The following ZNF141 variants were observed in gnomAD, a reference collection of about 807,000 sequenced individuals.
ZNF141 encodes zinc finger protein 141 (clone pHZ-44).
Under a neutral mutation model 11.3 loss-of-function variants are expected in ZNF141, and 7 were observed. That is an observed-to-expected ratio of 0.62 (90% CI 0.35 to 1.16). The LOEUF (loss-of-function observed/expected upper bound fraction) is 1.16, where lower values mean the gene tolerates loss of function less well. Among genes scored for constraint, ZNF141 ranks in the 50% most tolerant of loss-of-function variants. The pLI, the probability that ZNF141 is intolerant of heterozygous loss-of-function variation, is 0.02. For missense variants in ZNF141, 535 were observed against 554.0 expected, an observed-to-expected ratio of 0.97 and a Z score of 0.34; for synonymous variants, 183 against 190.7, an observed-to-expected ratio of 0.96 and a Z score of 0.33.
chr4:350,747 A>T (rs557209105), intron 3 of ZNF141, among the ~76,000 whole-genome samples: 1 of 151,632 alleles, frequency 6.6e-6, no homozygotes, highest in East Asian at 1.9e-4. Flanking sequence ...TTTTTTATTT[A>T]TTTATTTTTT....
chr4:346,989 G>C (rs1374778312), intron 3 of ZNF141, among the ~76,000 whole-genome samples: 1 of 149,772 alleles, frequency 6.7e-6, no homozygotes, highest in Non-Finnish European at 1.5e-5. Context: ...TCCTTTGGTA[G>C]TATGCCCAGA....
At chr4:362,982 T>A (rs1239706460) in intron 3 of ZNF141, among the ~76,000 whole-genome samples, 1 of 152,262 alleles carries the variant, frequency 6.6e-6, no homozygotes, top group Non-Finnish European at 1.5e-5. Context: ...ATGGCCATTT[T>A]CATGATATTG....
At chr4:369,075 T>C (rs1711892955) in intron 3 of ZNF141, among the ~76,000 whole-genome samples, 1 of 152,182 alleles carries the variant, frequency 6.6e-6, no homozygotes, top group Non-Finnish European at 1.5e-5. Flanking sequence ...TATTGAAATA[T>C]CCTACTACAA....
At chr4:343,054 T>C in intron 1 of ZNF141, 1 of 685,018 alleles carries the variant, frequency 1.5e-6, no homozygotes. Flanking sequence ...GTTCCTTGCA[T>C]GATTAAAAAA....
chr4:355,287 C>A (rs1211223384), intron 3 of ZNF141, among the ~76,000 whole-genome samples: 2 of 151,984 alleles, frequency 1.3e-5, no homozygotes, highest in African/African-American at 2.4e-5. Flanking sequence ...TTCACCACAA[C>A]CTCTGCCTCC....
At position 369,916 on chromosome 4, in the gene ZNF141, G is replaced by A. The variant is rs181245283; in HGVS notation, c.227-2748G>A. Among the ~76,000 whole-genome samples, 828 of 150,484 alleles carry A rather than the reference G, an allele frequency of 5.5e-3. 10 individuals are homozygous for A. The highest frequency in any genetic ancestry group is 0.019 in the African/African-American group (767 of 40,960). On this transcript the variant is annotated intron_variant, in intron 3 of 3. Transcript: ENST00000240499. The stretch of plus-strand genomic sequence containing the variant: ...TGAGTAGCTGGGACTACAGGCACAC[G>A]CCACCATGCCCAGCTAATTTTTGTA...
At position 376,423 on chromosome 4, in the gene ZNF141, A is replaced by C. The variant is rs1712366851; in HGVS notation, c.*2561A>C. Reference sequence around the variant, plus strand: ...ATATACCAGAGTAAATGAGTTATTCATCACCTCAAGCATTCATCCTTTGTA... The same window carrying C: ...ATATACCAGAGTAAATGAGTTATTCCTCACCTCAAGCATTCATCCTTTGTA... On this transcript the variant is annotated 3_prime_UTR_variant, in exon 4 of 4. Coordinates refer to ENST00000240499, the MANE Select transcript of ZNF141 (RefSeq NM_003441.4). Among the ~76,000 whole-genome samples, 1 of 152,100 alleles carries C rather than the reference A, an allele frequency of 6.6e-6. No individual in the cohort carries two copies. The highest frequency in any genetic ancestry group is 1.5e-5 in the Non-Finnish European group (1 of 67,928).
In ZNF141 at chr4:382,941, C is replaced by T. The variant is rs568160270; in HGVS notation, c.*9079C>T. On this transcript the variant is annotated 3_prime_UTR_variant, in exon 4 of 4. Coordinates refer to ENST00000240499, the MANE Select transcript of ZNF141 (RefSeq NM_003441.4). ...AATTTGAAAAATTTCTTATTGTATT[C>T]ATGTCCTTGGAAATGGCTTTTATAG... The T allele has an allele frequency of 5.4e-4, 266 of 494,938 alleles. No homozygotes were observed. Among genetic ancestry groups the T allele is most frequent in the Non-Finnish European group, 8.7e-4 (245 of 281,200 alleles). The allele number at this position is 494,938 out of a possible 1,614,324, so 30.7% of individuals were successfully genotyped here.
intron 3 of ZNF141, among the ~76,000 whole-genome samples, chr4:357,522 G>A (rs1170265522): frequency 6.6e-6 from 1 of 151,618 alleles, no homozygotes; most frequent in Non-Finnish European, 1.5e-5. Flanking sequence ...GAGATTTTAA[G>A]CTTCATAAAA....
At chr4:354,318 A>G (rs903879102) in intron 3 of ZNF141, among the ~76,000 whole-genome samples, 6 of 152,174 alleles carry the variant, frequency 3.9e-5, no homozygotes, top group African/African-American at 1.4e-4. Flanking sequence ...GCCCAAGGTC[A>G]CCCTGCAGGT....
At position 343,875 on chromosome 4, in the gene ZNF141, A is replaced by G; in HGVS notation, c.97A>G (p.Met33Val). Reference protein sequence around the residue: ...PDQQNLYRDVMLENYRNLVSL... With the variant: ...PDQQNLYRDVVLENYRNLVSL... ...CCAGCAGAATTTGTATAGAGATGTG[A>G]TGTTGGAGAACTACAGGAACCTGGT... Residue 33 changes from methionine to valine, a missense_variant, in exon 2 of 4, where the codon ATG (methionine) becomes GTG (valine). Physicochemically the swap from Met to Val is conservative, Grantham distance 21 (BLOSUM62 1). Coordinates refer to ENST00000240499, the MANE Select transcript of ZNF141 (RefSeq NM_003441.4). 6.2e-7 allele frequency: 1 copy of G among 1,609,514 alleles called. No homozygotes were observed. Among genetic ancestry groups the G allele is most frequent in the South Asian group, 1.1e-5 (1 of 89,828 alleles).
chr4:354,855 G>A (rs918959167), intron 3 of ZNF141, among the ~76,000 whole-genome samples: 13 of 151,838 alleles, frequency 8.6e-5, no homozygotes, highest in African/African-American at 2.9e-4. Context: ...ATTTCCTTCC[G>A]GTGTTGATTT....
At chr4:339,708 A>G (rs1553848130) in intron 1 of ZNF141, among the ~76,000 whole-genome samples, 1 of 152,130 alleles carries the variant, frequency 6.6e-6, no homozygotes, top group Non-Finnish European at 1.5e-5. Context: ...TAACTAGGTG[A>G]TTTGTCTTTT....
rs572493320 is a variant in ZNF141 at position 357,707 on chromosome 4, CTTTTTTT to C, written c.226+13288_226+13294del. Among the ~76,000 whole-genome samples, 255 of 132,594 alleles carry C rather than the reference CTTTTTTT, an allele frequency of 1.9e-3. 1 individual carries two copies. The highest frequency in any genetic ancestry group is 2.4e-3 in the Non-Finnish European group (149 of 61,564). 87.0% of individuals were successfully genotyped at this position (132,594 alleles called of 152,430 possible). ...AGTCACTCTTTCTTTTTTCTTTTTT[CTTTTTTT>C]TTTTTTTTTTGAGACAGAGTCTCAC... is the stretch of plus-strand genomic sequence containing the variant. On this transcript the variant is annotated intron_variant, in intron 3 of 3. Transcript: ENST00000240499.
intron 1 of ZNF141, among the ~76,000 whole-genome samples, chr4:341,118 G>A (rs1052737683): frequency 1.5e-4 from 23 of 151,774 alleles, no homozygotes; most frequent in South Asian, 1.2e-3. Context: ...GCCAGGCTGG[G>A]GTGCAGTGGT....
At chr4:368,382 C>T (rs1292840300) in intron 3 of ZNF141, among the ~76,000 whole-genome samples, 8 of 152,034 alleles carry the variant, frequency 5.3e-5, no homozygotes, top group African/African-American at 1.4e-4. Context: ...GCTGGGATTA[C>T]AGACGTGCAC....
chr4:340,080 A>G (rs1464695986), intron 1 of ZNF141, among the ~76,000 whole-genome samples: 4 of 152,240 alleles, frequency 2.6e-5, no homozygotes. Context: ...TTAATTCTCT[A>G]ACAACACATT....
Position 372,737 on chromosome 4 carries a change from G to A in ZNF141, c.300G>A (p.Leu100=), listed in dbSNP as rs1712130089. The change falls in exon 4 of 4, where the codon CTG becomes CTA. Residue 100 remains leucine (L), a synonymous_variant. Transcript: ENST00000240499. The part of the protein sequence containing the change: ...GIEDSFHKLI[L]RRYEKCGHDN... ...AAGATTCATTCCACAAACTTATACT[G>A]AGAAGATATGAGAAATGTGGACATG... 6.2e-7 allele frequency: 1 copy of A among 1,613,054 alleles called. No individual in the cohort carries two copies. The highest frequency in any genetic ancestry group is 8.5e-7 in the Non-Finnish European group (1 of 1,179,460).
In ZNF141 at chr4:371,136, T is replaced by A. The variant is rs868987213; in HGVS notation, c.227-1528T>A. On this transcript the variant is annotated intron_variant, in intron 3 of 3. Coordinates refer to ENST00000240499, the MANE Select transcript of ZNF141 (RefSeq NM_003441.4). ...TTTTCATTTATATATATATATATAT[T>A]TTAATTATATTTAGTTTTGTTACCA... 8.2e-5 allele frequency among the ~76,000 whole-genome samples: 12 copies of A among 146,732 alleles called. No homozygotes were observed. In the Middle Eastern group the frequency reaches 0.011, roughly 132 times the overall value.
Sources: allele counts gnomAD v4.1 joint callset (sites outside exome capture counted in the v4.1 genomes callset), GRCh38; gene constraint gnomAD v4.1.1; transcripts MANE v1.5; gene names NCBI Gene and HGNC (gene_info 2026-07-23, HGNC 2026-07-21).